Variants in PIK3R3 observed in about 807,000 individuals in gnomAD.
PIK3R3 encodes the protein phosphoinositide-3-kinase regulatory subunit 3.
A neutral mutation model predicts 62.9 loss-of-function variants in PIK3R3; 64 were observed. The ratio of observed to expected loss-of-function variants is 1.02; its 90% CI spans 0.83 to 1.25. The LOEUF is 1.25. Ranked by LOEUF, PIK3R3 falls within the 50% of genes most tolerant of loss-of-function variation. The probability of loss-of-function intolerance (pLI) is 0.00; values close to 1 mark genes in which losing one functional copy is unlikely to be tolerated. For synonymous variants in PIK3R3, 165 were observed against 189.0 expected (o/e 0.87, Z 1.04); for missense variants, 614 against 561.6 (o/e 1.09, Z -0.94).
intron 7 of PIK3R3, among the ~76,000 whole-genome samples, chr1:46,052,454 T>A (rs1647447266): frequency 1.3e-5 from 2 of 152,248 alleles, no homozygotes; most frequent in Non-Finnish European, 2.9e-5. Context: ...TTTAAAAAAT[T>A]GATACCTAAG....
Position 46,043,373 on chromosome 1 carries a change from C to G in PIK3R3, c.*300G>C. Reference sequence around the variant, plus strand: ...ACCCCACCCGCTATAACCATCAAGCCTAATATTCTGTTGAGGGTGTCTGGC... The same window carrying G: ...ACCCCACCCGCTATAACCATCAAGCGTAATATTCTGTTGAGGGTGTCTGGC... On this transcript the variant is annotated 3_prime_UTR_variant, in exon 10 of 10. Coordinates refer to ENST00000262741, the MANE Select transcript of PIK3R3 (RefSeq NM_003629.4). 4.6e-6 allele frequency: 2 copies of G among 431,936 alleles called. No homozygotes were observed. The highest frequency in any genetic ancestry group is 8.6e-6 in the Non-Finnish European group (2 of 231,788). 26.8% of individuals were successfully genotyped at this position (431,936 alleles called of 1,614,324 possible). A position where few individuals can be genotyped will look rare whatever the true frequency, so the allele number is the denominator to read the frequency against.
the PIK3R3 span, among the ~76,000 whole-genome samples, chr1:46,152,649 G>A: frequency 3.5e-5 from 5 of 143,480 alleles, no homozygotes; most frequent in South Asian, 2.3e-4. Context: ...TGCAAGCTCC[G>A]CCTCCTGGGA....
At chr1:46,064,514 C>T (rs1252759300) in intron 5 of PIK3R3, among the ~76,000 whole-genome samples, 1 of 152,102 alleles carries the variant, frequency 6.6e-6, no homozygotes, top group East Asian at 1.9e-4. Context: ...TCACTCCAGC[C>T]TGGGCGACAG....
At chr1:46,097,035 G>A (rs2149436569) in intron 1 of PIK3R3, among the ~76,000 whole-genome samples, 1 of 149,282 alleles carries the variant, frequency 6.7e-6, no homozygotes, top group East Asian at 1.9e-4. Flanking sequence ...TATCCTTTAT[G>A]AACACGGACA....
At position 46,132,491 on chromosome 1, in the gene PIK3R3, G is replaced by C. The variant is rs541241654; in HGVS notation, c.-539C>G. 24 of 1,209,870 alleles carry C rather than the reference G, an allele frequency of 2.0e-5. No individual in the cohort carries two copies. Among genetic ancestry groups the C allele is most frequent in the Non-Finnish European group, 2.4e-5 (23 of 950,356 alleles). The allele number at this position is 1,209,870 out of a possible 1,614,324, so 74.9% of individuals were successfully genotyped here. On this transcript the variant is annotated 5_prime_UTR_variant, in exon 1 of 10. Coordinates refer to ENST00000262741, the MANE Select transcript of PIK3R3 (RefSeq NM_003629.4). ...GAGGCCGGGACTCGGGCTCCTCTCCGGTCGGTCTCGGAACCGAAGCTGCCG... is the reference window on the plus strand; with the variant it reads ...GAGGCCGGGACTCGGGCTCCTCTCCCGTCGGTCTCGGAACCGAAGCTGCCG...
the PIK3R3 span, among the ~76,000 whole-genome samples, chr1:46,171,652 C>T: frequency 2.0e-5 from 3 of 152,052 alleles, no homozygotes; most frequent in African/African-American, 7.2e-5. Flanking sequence ...TGTTCGTGCC[C>T]TTACCCACTG....
intron 3 of PIK3R3, among the ~76,000 whole-genome samples, chr1:46,075,766 A>G (rs1383084655): frequency 1.3e-5 from 2 of 152,210 alleles, no homozygotes; most frequent in Admixed American, 1.3e-4. Context: ...TCACATGTTT[A>G]TGGAGGCTGA....
chr1:46,139,627 G>A, the PIK3R3 span, among the ~76,000 whole-genome samples: 1 of 152,034 alleles, frequency 6.6e-6, no homozygotes. Context: ...GCTTCTAAAC[G>A]GACTAACTCT....
At chr1:46,103,489 G>A (rs190973775) in intron 1 of PIK3R3, among the ~76,000 whole-genome samples, 335 of 152,084 alleles carry the variant, frequency 2.2e-3, no homozygotes, top group African/African-American at 7.7e-3. Flanking sequence ...AGAATTGTTT[G>A]AACCCGGGAG....
At chr1:46,128,342 G>T (rs1238922569) in intron 1 of PIK3R3, among the ~76,000 whole-genome samples, 1 of 151,978 alleles carries the variant, frequency 6.6e-6, no homozygotes, top group African/African-American at 2.4e-5. Context: ...GAGGCTCAGG[G>T]ACAAGAATCC....
intron 1 of PIK3R3, among the ~76,000 whole-genome samples, chr1:46,127,680 T>C (rs1303562990): frequency 6.6e-6 from 1 of 152,192 alleles, no homozygotes; most frequent in Non-Finnish European, 1.5e-5. Flanking sequence ...AAGATGCTTA[T>C]AGGCGATTCT....
At chr1:46,078,786 T>A (rs932084501) in intron 2 of PIK3R3, among the ~76,000 whole-genome samples, 3 of 152,178 alleles carry the variant, frequency 2.0e-5, no homozygotes, top group Admixed American at 6.6e-5. Context: ...ATACATATAT[T>A]AGCCTTAAGA....
intron 7 of PIK3R3, among the ~76,000 whole-genome samples, chr1:46,049,957 T>G (rs951624504): frequency 6.6e-6 from 1 of 151,634 alleles, no homozygotes; most frequent in South Asian, 2.1e-4. Flanking sequence ...CCGTTCCTAC[T>G]AAAAATACAA....
the PIK3R3 span, among the ~76,000 whole-genome samples, chr1:46,139,547 T>C: frequency 6.6e-6 from 1 of 152,186 alleles, no homozygotes; most frequent in Admixed American, 6.5e-5. Flanking sequence ...CCTCAGGGGA[T>C]CCACCCACCT....
intron 1 of PIK3R3, among the ~76,000 whole-genome samples, chr1:46,130,605 GA>G (rs1258704277): frequency 6.6e-6 from 1 of 151,414 alleles, no homozygotes; most frequent in Non-Finnish European, 1.5e-5. Context: ...AAGGACACAG[GA>G]AACAATTTCT....
chr1:46,173,674 G>A, the PIK3R3 span, among the ~76,000 whole-genome samples: 1 of 152,312 alleles, frequency 6.6e-6, no homozygotes, highest in African/African-American at 2.4e-5. Context: ...CCTAGATGGG[G>A]AGGAGAATTA....
the PIK3R3 span, among the ~76,000 whole-genome samples, chr1:46,173,829 A>G: frequency 6.6e-6 from 1 of 152,130 alleles, no homozygotes. Context: ...TCTCACAGAC[A>G]CAGATACACA....
intron 1 of PIK3R3, among the ~76,000 whole-genome samples, chr1:46,115,801 T>C (rs1654133444): frequency 6.6e-6 from 1 of 152,234 alleles, no homozygotes; most frequent in Non-Finnish European, 1.5e-5. Context: ...AATGTTGCTA[T>C]ATTTGAGTAT....
At chr1:46,069,046 A>T (rs1649261656) in intron 3 of PIK3R3, among the ~76,000 whole-genome samples, 1 of 152,212 alleles carries the variant, frequency 6.6e-6, no homozygotes, top group South Asian at 2.1e-4. Context: ...TAGCAGTAGT[A>T]GAGGTCATGA....
Sources: allele counts gnomAD v4.1 joint callset (sites outside exome capture counted in the v4.1 genomes callset), GRCh38; gene constraint gnomAD v4.1.1; transcripts MANE v1.5; gene names NCBI Gene and HGNC (gene_info 2026-07-23, HGNC 2026-07-21).